GRIP1: variants seen among roughly 807,000 people sequenced by gnomAD.
GRIP1 encodes the protein glutamate receptor interacting protein 1, also known as glutamate receptor-interacting protein 1.
A neutral mutation model predicts 129.9 loss-of-function variants in GRIP1; 45 were observed. The observed-to-expected ratio is 0.35, with a 90% CI of 0.27 to 0.44. The LOEUF is 0.44. GRIP1 is among the 20% of genes least tolerant of loss of function. The pLI is 1.00. For missense variants in GRIP1, 1,196 were observed against 1,396.8 expected, an observed-to-expected ratio of 0.86 and a Z score of 2.29; for synonymous variants, 530 against 520.8, an observed-to-expected ratio of 1.02 and a Z score of -0.24.
At chr12:66,929,300 G>A (rs879859045) in intron 1 of GRIP1, among the ~76,000 whole-genome samples, 1 of 152,136 alleles carries the variant, frequency 6.6e-6, no homozygotes, top group Non-Finnish European at 1.5e-5. Flanking sequence ...CATCACTTCA[G>A]AGAAGCCACC....
At chr12:66,715,409 T>C (rs911449240) in intron 1 of GRIP1, among the ~76,000 whole-genome samples, 14 of 150,554 alleles carry the variant, frequency 9.3e-5, no homozygotes, top group African/African-American at 2.7e-4. Context: ...CCACCAGATC[T>C]GAACTTAAGG....
At chr12:66,411,720 A>C (rs189218530) in intron 15 of GRIP1, among the ~76,000 whole-genome samples, 3 of 152,338 alleles carry the variant, frequency 2.0e-5, no homozygotes, top group Non-Finnish European at 4.4e-5. Flanking sequence ...AATTCAAATA[A>C]GCTAAGAATC....
chr12:66,916,503 C>T (rs1232480222), intron 1 of GRIP1, among the ~76,000 whole-genome samples: 1 of 152,068 alleles, frequency 6.6e-6, no homozygotes, highest in Non-Finnish European at 1.5e-5. Context: ...CTTTCAGAAG[C>T]CACCAGTGTG....
intron 1 of GRIP1, among the ~76,000 whole-genome samples, chr12:66,676,445 A>C (rs776260519): frequency 3.3e-5 from 5 of 152,156 alleles, no homozygotes; most frequent in Non-Finnish European, 5.9e-5. Context: ...CCCCCTGCTA[A>C]GATCTGGGTA....
intron 1 of GRIP1, among the ~76,000 whole-genome samples, chr12:67,002,167 G>A (rs117148787): frequency 8.3e-4 from 127 of 152,210 alleles, no homozygotes; most frequent in Non-Finnish European, 1.5e-3. Flanking sequence ...CAGTACTTTC[G>A]CTATTATTAG....
intron 7 of GRIP1, among the ~76,000 whole-genome samples, chr12:66,511,052 C>G (rs1448060972): frequency 7.9e-5 from 12 of 152,090 alleles, no homozygotes; most frequent in Non-Finnish European, 1.8e-4. Flanking sequence ...TTGTAGCTCT[C>G]ACAATTCCCA....
chr12:66,485,461 T>C (rs1481282962), intron 7 of GRIP1, among the ~76,000 whole-genome samples: 2 of 151,548 alleles, frequency 1.3e-5, no homozygotes, highest in Non-Finnish European at 2.9e-5. Context: ...AAAAATAATT[T>C]CAAAATATAT....
intron 4 of GRIP1, among the ~76,000 whole-genome samples, chr12:66,538,443 G>C (rs960581042): frequency 1.3e-5 from 2 of 151,768 alleles, no homozygotes; most frequent in Non-Finnish European, 2.9e-5. Flanking sequence ...TGATCCTCCC[G>C]CCTCAGCCTT....
At chr12:66,403,232 C>T (rs1281666184) in intron 16 of GRIP1, among the ~76,000 whole-genome samples, 1 of 152,168 alleles carries the variant, frequency 6.6e-6, no homozygotes, top group Non-Finnish European at 1.5e-5. Flanking sequence ...CACCCATCAC[C>T]CAAGTGGTGT....
chr12:66,761,979 G>T (rs1259431778), intron 1 of GRIP1, among the ~76,000 whole-genome samples: 1 of 152,046 alleles, frequency 6.6e-6, no homozygotes, highest in Admixed American at 6.6e-5. Context: ...CTCTGCCTCG[G>T]TTTCCTCACC....
At chr12:66,461,149 C>T (rs939292480) in intron 9 of GRIP1, among the ~76,000 whole-genome samples, 5 of 152,082 alleles carry the variant, frequency 3.3e-5, no homozygotes, top group Non-Finnish European at 5.9e-5. Context: ...ACTCAAATTG[C>T]CTTGGCAGGT....
At position 66,599,531 on chromosome 12, in the gene GRIP1, C is replaced by G. The variant is rs1462946262; in HGVS notation, c.56-2604G>C. ...AAAGCTACCCATCACAGAATAAACA[C>G]CAGCTCTCTTGACGTGATTTACTGA... On this transcript the variant is annotated intron_variant, in intron 1 of 24. Coordinates refer to ENST00000359742, the MANE Select transcript of GRIP1 (RefSeq NM_001366722.1). Among the ~76,000 whole-genome samples, 6 of 152,168 alleles carry G rather than the reference C, an allele frequency of 3.9e-5. No homozygotes were observed. The East Asian group carries it at 1.2e-3, about 29-fold the overall frequency.
chr12:66,831,191 T>G lies in GRIP1; in HGVS notation c.59-234264A>C, dbSNP rs1257616121. Reference sequence around the variant, plus strand: ...ATCTGAAACTATTGCTCAAAAAAAGTAATATCTGAATTTCATTGCCACCAG... The same window carrying G: ...ATCTGAAACTATTGCTCAAAAAAAGGAATATCTGAATTTCATTGCCACCAG... On this transcript the variant is annotated intron_variant, in intron 1 of 1. Transcript: ENST00000643019. Among the ~76,000 whole-genome samples, 5 of 152,220 alleles carry G rather than the reference T, an allele frequency of 3.3e-5. No individual in the cohort carries two copies. In the South Asian group the frequency reaches 1.0e-3, roughly 32 times the overall value.
chr12:66,382,283 G>A (rs2056146219), intron 19 of GRIP1, among the ~76,000 whole-genome samples: 1 of 152,160 alleles, frequency 6.6e-6, no homozygotes. Flanking sequence ...CCAGCTACTT[G>A]AGAGGCTAAG....
intron 19 of GRIP1, among the ~76,000 whole-genome samples, chr12:66,383,299 A>AAC (rs1267268264): frequency 2.8e-5 from 4 of 141,418 alleles, no homozygotes; most frequent in Admixed American, 7.2e-5. Flanking sequence ...TCTGTCTCAA[A>AAC]AACAACAACA....
intron 1 of GRIP1, among the ~76,000 whole-genome samples, chr12:66,938,825 TGC>T (rs2041534118): frequency 6.6e-6 from 1 of 151,758 alleles, no homozygotes; most frequent in Non-Finnish European, 1.5e-5. Flanking sequence ...GGCGTGGTGG[TGC>T]ATGCCTGTAG....
intron 1 of GRIP1, among the ~76,000 whole-genome samples, chr12:66,698,172 T>C (rs1365232693): frequency 6.6e-6 from 1 of 152,224 alleles, no homozygotes; most frequent in African/African-American, 2.4e-5. Flanking sequence ...TCATGAGATT[T>C]GTCTCAAAAT....
At position 66,415,438 on chromosome 12, in the gene GRIP1, G is replaced by A. The variant is rs531520638; in HGVS notation, c.1838+5282C>T. Reference sequence around the variant, plus strand: ...AGCAACAACAGATGCCGGTGAGGTTGCAGAGAAAAAGGAATGCTTTTACAT... The same window carrying A: ...AGCAACAACAGATGCCGGTGAGGTTACAGAGAAAAAGGAATGCTTTTACAT... On this transcript the variant is annotated intron_variant, in intron 15 of 24. Transcript: ENST00000359742. 2.2e-4 allele frequency among the ~76,000 whole-genome samples: 33 copies of A among 152,310 alleles called. No homozygotes were observed. In the South Asian group the frequency reaches 5.8e-3, roughly 27 times the overall value.
At chr12:67,010,851 T>A (rs939237752) in intron 1 of GRIP1, among the ~76,000 whole-genome samples, 4 of 151,946 alleles carry the variant, frequency 2.6e-5, no homozygotes, top group Non-Finnish European at 5.9e-5. Context: ...CTCTCCTAGG[T>A]TTCTGCCTAC....
Sources: allele counts gnomAD v4.1 joint callset (sites outside exome capture counted in the v4.1 genomes callset), GRCh38; gene constraint gnomAD v4.1.1; transcripts MANE v1.5; gene names NCBI Gene and HGNC (gene_info 2026-07-23, HGNC 2026-07-21).